SYT9: variants seen among roughly 807,000 people sequenced by gnomAD.
The protein encoded by SYT9 is synaptotagmin 9, also known as synaptotagmin-9.
A neutral mutation model predicts 48.4 loss-of-function variants in SYT9; 22 were observed. That is an observed-to-expected ratio of 0.45 (90% confidence interval 0.32 to 0.65). The LOEUF (loss-of-function observed/expected upper bound fraction) is 0.65. SYT9 is among the 30% of genes least tolerant of loss of function. The probability of loss-of-function intolerance (pLI) is 0.03; values close to 1 mark genes in which losing one functional copy is unlikely to be tolerated. For synonymous variants in SYT9, 265 were observed against 245.0 expected (o/e 1.08, Z -0.76); for missense variants, 577 against 622.0 (o/e 0.93, Z 0.77).
At chr11:7,369,626 T>C (rs1850319215) in intron 3 of SYT9, among the ~76,000 whole-genome samples, 2 of 152,182 alleles carry the variant, frequency 1.3e-5, no homozygotes, top group Admixed American at 6.5e-5. Flanking sequence ...TACATTTGTC[T>C]TTAATCCATC....
intron 1 of SYT9, among the ~76,000 whole-genome samples, chr11:7,276,829 C>T (rs184654677): frequency 1.6e-4 from 24 of 152,000 alleles, no homozygotes; most frequent in African/African-American, 4.8e-4. Flanking sequence ...GGGTGGATCA[C>T]GAGGTCAGGT....
intron 1 of SYT9, among the ~76,000 whole-genome samples, chr11:7,284,452 CT>C (rs1489465927): frequency 3.3e-5 from 5 of 152,062 alleles, no homozygotes; most frequent in Non-Finnish European, 5.9e-5. Flanking sequence ...TAAAAATGCT[CT>C]TATTTTGTCC....
intron 6 of SYT9, chr11:7,454,402 C>T (rs1260299095): frequency 1.4e-6 from 1 of 693,534 alleles, no homozygotes; most frequent in African/African-American, 1.9e-5. Context: ...CAGCCACCAT[C>T]TTCTCCCTGC....
chr11:7,350,594 C>G (rs1485603469), intron 3 of SYT9, among the ~76,000 whole-genome samples: 1 of 152,170 alleles, frequency 6.6e-6, no homozygotes, highest in Non-Finnish European at 1.5e-5. Flanking sequence ...AGCCCTGGGG[C>G]CTGGGCTCAC....
At chr11:7,241,810 T>G (rs1314435167) in intron 1 of SYT9, among the ~76,000 whole-genome samples, 3 of 152,250 alleles carry the variant, frequency 2.0e-5, no homozygotes, top group Non-Finnish European at 4.4e-5. Flanking sequence ...TCTGAAAGAC[T>G]GTATATCAAA....
intron 3 of SYT9, among the ~76,000 whole-genome samples, chr11:7,414,922 T>G (rs1282930756): frequency 6.6e-6 from 1 of 152,168 alleles, no homozygotes; most frequent in Non-Finnish European, 1.5e-5. Flanking sequence ...CTGTATTAAT[T>G]AGACACAGGC....
At chr11:7,242,881 G>A (rs61880864) in intron 1 of SYT9, among the ~76,000 whole-genome samples, 19,469 of 151,826 alleles carry the variant, frequency 0.13, 1,312 homozygotes, top group Admixed American at 0.18. Flanking sequence ...CCCTGTCTCT[G>A]CTAATAATAC....
intron 3 of SYT9, among the ~76,000 whole-genome samples, chr11:7,381,205 A>T (rs1164226876): frequency 1.3e-5 from 2 of 152,150 alleles, no homozygotes; most frequent in Admixed American, 6.5e-5. Context: ...CAAGGTCCAC[A>T]TTTACTGTGC....
chr11:7,363,577 G>T (rs58794631), intron 3 of SYT9, among the ~76,000 whole-genome samples: 3,367 of 152,224 alleles, frequency 0.022, 110 homozygotes, highest in African/African-American at 0.078. Context: ...GCTTGGGAAA[G>T]GATCCTTTTA....
Position 7,414,131 on chromosome 11 carries a change from A to T in SYT9, c.1045-1911A>T, listed in dbSNP as rs567477133. 5.3e-5 allele frequency among the ~76,000 whole-genome samples: 8 copies of T among 152,358 alleles called. No homozygotes were observed. In the South Asian group the frequency reaches 1.2e-3, roughly 24 times the overall value. On this transcript the variant is annotated intron_variant, in intron 3 of 6. Transcript: ENST00000318881. Reference sequence around the variant, plus strand: ...ATGTGCCTCAGCCTTGAGGGCAGAGATTAGACGGCATGCATTTTCACATCC... The same window carrying T: ...ATGTGCCTCAGCCTTGAGGGCAGAGTTTAGACGGCATGCATTTTCACATCC...
chr11:7,340,567 T>C (rs1194727474), intron 3 of SYT9, among the ~76,000 whole-genome samples: 1 of 152,182 alleles, frequency 6.6e-6, no homozygotes, highest in Non-Finnish European at 1.5e-5. Context: ...GAGTCTGAGA[T>C]CAGGCAGCCC....
rs563523674 is a variant in SYT9, at chr11:7,451,332, G to GT, written c.1468-15455dup. 1.6e-3 allele frequency among the ~76,000 whole-genome samples: 245 copies of GT among 152,282 alleles called. 1 individual carries two copies. Among genetic ancestry groups the GT allele is most frequent in the African/African-American group, 5.3e-3 (219 of 41,566 alleles). On this transcript the variant is annotated intron_variant, in intron 6 of 6. Coordinates refer to ENST00000318881, the MANE Select transcript of SYT9 (RefSeq NM_175733.4). Reference sequence around the variant, plus strand: ...TTCTGTGTGGTTTTCCCACAGATGTGTTTTTAAATGTTGCATTCTGTTAAG... The same window carrying GT: ...TTCTGTGTGGTTTTCCCACAGATGTGTTTTTTAAATGTTGCATTCTGTTAAG...
intron 3 of SYT9, among the ~76,000 whole-genome samples, chr11:7,315,560 A>G (rs1380727732): frequency 1.3e-5 from 2 of 152,224 alleles, no homozygotes; most frequent in Admixed American, 6.5e-5. Flanking sequence ...GGATTCCATA[A>G]AATAGCTGGA....
intron 3 of SYT9, among the ~76,000 whole-genome samples, chr11:7,317,293 G>A (rs1252568799): frequency 3.3e-5 from 5 of 152,060 alleles, no homozygotes; most frequent in African/African-American, 1.2e-4. Flanking sequence ...TGTTATATAG[G>A]CATCATATAT....
At chr11:7,321,905 T>C (rs1482024168) in intron 3 of SYT9, among the ~76,000 whole-genome samples, 2 of 151,784 alleles carry the variant, frequency 1.3e-5, no homozygotes, top group Non-Finnish European at 2.9e-5. Flanking sequence ...CTGGTAGGAG[T>C]GTATGATGTA....
chr11:7,342,499 T>C (rs1300984521), intron 3 of SYT9, among the ~76,000 whole-genome samples: 1 of 152,088 alleles, frequency 6.6e-6, no homozygotes, highest in Non-Finnish European at 1.5e-5. Flanking sequence ...TCCTGTCTCA[T>C]ATCCATGTCT....
In SYT9 at chr11:7,395,320, A is replaced by G. The variant is rs746491682; in HGVS notation, c.1045-20722A>G. The stretch of plus-strand genomic sequence containing the variant: ...TGCAGATGAGAAGAATGTACATTCT[A>G]TGATTGTTGAGGGGAGTATTCTTAA... On this transcript the variant is annotated intron_variant, in intron 3 of 6. Coordinates refer to ENST00000318881, the MANE Select transcript of SYT9 (RefSeq NM_175733.4). Among the ~76,000 whole-genome samples, 193 of 152,258 alleles carry G rather than the reference A, an allele frequency of 1.3e-3. 1 individual carries two copies. Among genetic ancestry groups the G allele is most frequent in the African/African-American group, 2.4e-3 (101 of 41,570 alleles).
intron 1 of SYT9, among the ~76,000 whole-genome samples, chr11:7,291,757 A>C (rs1299293407): frequency 1.3e-5 from 2 of 151,978 alleles, no homozygotes; most frequent in South Asian, 4.1e-4. Flanking sequence ...TCTTCTGCCC[A>C]TACCAACATA....
chr11:7,434,751 C>T (rs190357783), intron 6 of SYT9, among the ~76,000 whole-genome samples: 2 of 152,294 alleles, frequency 1.3e-5, no homozygotes, highest in South Asian at 4.2e-4. Context: ...CACTTATAAT[C>T]TTAAATTTGC....
Sources: allele counts gnomAD v4.1 joint callset (sites outside exome capture counted in the v4.1 genomes callset), GRCh38; gene constraint gnomAD v4.1.1; transcripts MANE v1.5; gene names NCBI Gene and HGNC (gene_info 2026-07-23, HGNC 2026-07-21).